The following JAK2 variants were observed in gnomAD, a reference collection of about 807,000 sequenced individuals.
JAK2 encodes Janus kinase 2, also known as tyrosine-protein kinase JAK2.
JAK2 carries 86 observed loss-of-function variants against 139.3 expected under a neutral mutation model. The observed-to-expected ratio is 0.62, with a 90% CI of 0.52 to 0.74. The LOEUF (loss-of-function observed/expected upper bound fraction) is 0.74. JAK2 is among the 30% of genes least tolerant of loss of function. JAK2 has a pLI of 0.00. For missense variants in JAK2, 1,421 were observed against 1,360.3 expected, an observed-to-expected ratio of 1.04 and a Z score of -0.70; for synonymous variants, 490 against 437.7, an observed-to-expected ratio of 1.12 and a Z score of -1.49.
Position 5,026,449 on chromosome 9 carries a change from TTTAAA to T in JAK2, c.227-3329_227-3325del, listed in dbSNP as rs1272255140. Among the ~76,000 whole-genome samples, 5 of 152,232 alleles carry T rather than the reference TTTAAA, an allele frequency of 3.3e-5. No homozygotes were observed. In the East Asian group the frequency reaches 7.7e-4, roughly 23 times the overall value. On this transcript the variant is annotated intron_variant, in intron 3 of 24. Transcript: ENST00000381652. ...TGTAAGTAGACGGTCGTGTTAATAATTTAAATTAAGAATTTAAGTCTTTCTTGTCA... is the reference window on the plus strand; with the variant it reads ...TGTAAGTAGACGGTCGTGTTAATAATTTAAGAATTTAAGTCTTTCTTGTCA...
chr9:5,033,054 A>G (rs1427865023), intron 4 of JAK2, among the ~76,000 whole-genome samples: 1 of 152,172 alleles, frequency 6.6e-6, no homozygotes, highest in Non-Finnish European at 1.5e-5. Flanking sequence ...TCCTTAAAGG[A>G]CCTGATGGAG....
chr9:5,081,463 G>A (rs929473280), intron 18 of JAK2, among the ~76,000 whole-genome samples: 1 of 152,046 alleles, frequency 6.6e-6, no homozygotes, highest in Non-Finnish European at 1.5e-5. Flanking sequence ...ATAAGTATCA[G>A]TATATTACCT....
rs1057515604 is a variant in JAK2 at position 5,128,181 on chromosome 9, T to G, written c.*1390T>G. The G allele has an allele frequency of 4.3e-6, 1 of 232,150 alleles. No individual in the cohort carries two copies. Among genetic ancestry groups the G allele is most frequent in the Non-Finnish European group, 8.5e-6 (1 of 117,292 alleles). The allele number at this position is 232,150 out of a possible 1,614,324, so 14.4% of individuals were successfully genotyped here. On this transcript the variant is annotated 3_prime_UTR_variant, in exon 25 of 25. Transcript: ENST00000381652. ...ATTAAAAAGAAAATAGTTTCTTACT[T>G]TATTTTTACTGGTATGTTCTACTTT...
In JAK2 at chr9:5,072,214, T is replaced by C. The variant is rs370358720; in HGVS notation, c.1642-278T>C. ...AGCAAATGTAGGTAAACACTGACTC[T>C]ATTTTTAAAAAGTGACAATTATAGC... On this transcript the variant is annotated intron_variant, in intron 12 of 24. Transcript: ENST00000381652. Among the ~76,000 whole-genome samples the C allele has an allele frequency of 4.5e-3, 687 of 152,304 alleles. 4 individuals carry two copies. The highest frequency in any genetic ancestry group is 0.016 in the African/African-American group (656 of 41,566).
intron 2 of JAK2, among the ~76,000 whole-genome samples, chr9:5,021,466 A>G (rs1023672751): frequency 6.6e-6 from 1 of 152,230 alleles, no homozygotes; most frequent in African/African-American, 2.4e-5. Context: ...CTTTGTCCAC[A>G]GGAAGTTTAA....
chr9:5,089,317 T>TCAC (rs1820377926), intron 19 of JAK2, among the ~76,000 whole-genome samples: 1 of 151,994 alleles, frequency 6.6e-6, no homozygotes, highest in Admixed American at 6.6e-5. Flanking sequence ...GTTGGGTGGA[T>TCAC]CACCAGGTCA....
intron 15 of JAK2, 70 bp downstream of exon 15, chr9:5,077,650 C>T (rs950574019): frequency 4.0e-6 from 4 of 991,678 alleles, no homozygotes; most frequent in African/African-American, 1.7e-5. Context: ...ATTATCTTTA[C>T]CTGGAAACAA....
intron 2 of JAK2, among the ~76,000 whole-genome samples, chr9:5,016,231 A>G (rs1822050081): frequency 6.6e-6 from 1 of 152,220 alleles, no homozygotes; most frequent in Non-Finnish European, 1.5e-5. Flanking sequence ...GAAGTGAAGT[A>G]TCTCCTGCCT....
At position 5,090,856 on chromosome 9, in the gene JAK2, C is replaced by T. The variant is rs777916929; in HGVS notation, c.3004C>T (p.Pro1002Ser). The T allele has an allele frequency of 4.3e-6, 7 of 1,612,736 alleles. No homozygotes were observed. The Admixed American group carries it at 1.0e-4, about 23-fold the overall frequency. The change falls in exon 22 of 25, where the codon CCA (proline) becomes TCA (serine). Residue 1002 changes from proline (P) to serine (S), a missense_variant. Pro to Ser is a moderately conservative substitution (Grantham distance 74). Transcript: ENST00000381652. ...AGATTTTGGGTTAACCAAAGTCTTG[C>T]CACAAGACAAAGAATACTATAAAGT... ...IGDFGLTKVLPQDKEYYKVKE... is the reference protein window; with the variant it reads ...IGDFGLTKVLSQDKEYYKVKE...
At chr9:5,062,536 A>G (rs912394525) in intron 8 of JAK2, among the ~76,000 whole-genome samples, 19 of 146,406 alleles carry the variant, frequency 1.3e-4, no homozygotes, top group African/African-American at 4.5e-4. Context: ...AAAAAAGGTC[A>G]TATCTGCAAG....
intron 2 of JAK2, among the ~76,000 whole-genome samples, chr9:5,005,156 C>A (rs1248015439): frequency 8.2e-6 from 1 of 122,050 alleles, no homozygotes; most frequent in Non-Finnish European, 1.6e-5. Context: ...CACTGTGTTG[C>A]CCAGGCTGGT....
Position 5,029,792 on chromosome 9 carries a change from CTG to C in JAK2, c.240_241del (p.Tyr81SerfsTer2). ...TCTGCTTCTTTTCTAGGTATCACAC[CTG>C]TGTATCATAATATGTTTGCTTTAAT... is the stretch of plus-strand genomic sequence containing the variant. On this transcript the variant is annotated frameshift_variant, in exon 4 of 25. Coordinates refer to ENST00000381652, the MANE Select transcript of JAK2 (RefSeq NM_004972.4). LOFTEE classifies it high-confidence loss of function. 1 of 1,609,606 alleles carries C rather than the reference CTG, an allele frequency of 6.2e-7. No individual in the cohort carries two copies. The highest frequency in any genetic ancestry group is 8.5e-7 in the Non-Finnish European group (1 of 1,177,308).
chr9:5,116,395 G>A (rs780245359), intron 22 of JAK2, among the ~76,000 whole-genome samples: 17 of 152,202 alleles, frequency 1.1e-4, no homozygotes, highest in South Asian at 2.1e-4. Context: ...AGGAAATGTC[G>A]TCATGATAAA....
At chr9:5,101,435 A>C (rs1197261503) in intron 22 of JAK2, among the ~76,000 whole-genome samples, 2 of 152,240 alleles carry the variant, frequency 1.3e-5, no homozygotes, top group African/African-American at 4.8e-5. Flanking sequence ...GCCTTTGTAG[A>C]CCACACCTCT....
At chr9:5,027,700 G>A (rs897584377) in intron 3 of JAK2, among the ~76,000 whole-genome samples, 1 of 152,202 alleles carries the variant, frequency 6.6e-6, no homozygotes, top group Non-Finnish European at 1.5e-5. Context: ...TTAAGTTGAT[G>A]TAGTATTATA....
intron 2 of JAK2, among the ~76,000 whole-genome samples, chr9:5,005,782 C>A (rs1393922801): frequency 2.6e-5 from 4 of 152,284 alleles, no homozygotes; most frequent in East Asian, 3.9e-4. Context: ...AGTCACTGGG[C>A]ATTACATTTT....
In JAK2 at chr9:5,050,171, T is replaced by C. The variant is rs1817313723; in HGVS notation, c.469-515T>C. On this transcript the variant is annotated intron_variant, in intron 5 of 24. Coordinates refer to ENST00000381652, the MANE Select transcript of JAK2 (RefSeq NM_004972.4). ...TTGAAGATATATTTAATGAAATAGGTTGATGTTATATGTACTCTGTAATTG... is the reference window on the plus strand; with the variant it reads ...TTGAAGATATATTTAATGAAATAGGCTGATGTTATATGTACTCTGTAATTG... Among the ~76,000 whole-genome samples, 4 of 152,204 alleles carry C rather than the reference T, an allele frequency of 2.6e-5. No individual in the cohort carries two copies. In the South Asian group the frequency reaches 8.3e-4, roughly 32 times the overall value.
chr9:5,097,653 C>T (rs1226316818), intron 22 of JAK2: 1 of 152,244 alleles, frequency 6.6e-6, no homozygotes, highest in East Asian at 1.9e-4. Flanking sequence ...GTGGTGGTAA[C>T]ATCAAATGAT....
chr9:5,108,746 T>C (rs1822187492), intron 22 of JAK2: 2 of 152,118 alleles, frequency 1.3e-5, no homozygotes, highest in South Asian at 4.1e-4. Context: ...CAAGCTCCAT[T>C]TGTCTACAAA....
Sources: allele counts gnomAD v4.1 joint callset (sites outside exome capture counted in the v4.1 genomes callset), GRCh38; gene constraint gnomAD v4.1.1; transcripts MANE v1.5; gene names NCBI Gene and HGNC (gene_info 2026-07-23, HGNC 2026-07-21).